The following FAM168A variants were observed in gnomAD, a reference collection of about 807,000 sequenced individuals.
FAM168A encodes the protein family with sequence similarity 168 member A.
In FAM168A, 3 loss-of-function variants were observed where a neutral mutation model predicts 28.5. That is an observed-to-expected ratio of 0.11 (90% CI 0.05 to 0.27). The LOEUF is 0.27. FAM168A is among the 10% of genes least tolerant of loss of function. The probability of loss-of-function intolerance (pLI) is 1.00; values close to 1 mark genes in which losing one functional copy is unlikely to be tolerated. For synonymous variants in FAM168A, 122 were observed against 124.2 expected, an observed-to-expected ratio of 0.98 and a Z score of 0.12; for missense variants, 222 against 311.5, an observed-to-expected ratio of 0.71 and a Z score of 2.16.
At chr11:73,538,990 A>T (rs1021831841) in intron 1 of FAM168A, among the ~76,000 whole-genome samples, 1 of 152,236 alleles carries the variant, frequency 6.6e-6, no homozygotes, top group African/African-American at 2.4e-5. Context: ...TAGATCCTCA[A>T]TATAAGAAGA....
At chr11:73,449,723 C>G (rs1867392430) in intron 2 of FAM168A, among the ~76,000 whole-genome samples, 1 of 152,236 alleles carries the variant, frequency 6.6e-6, no homozygotes, top group Non-Finnish European at 1.5e-5. Context: ...TTCAGGCCTC[C>G]TGCCATGCAG....
intron 2 of FAM168A, among the ~76,000 whole-genome samples, chr11:73,464,832 G>A (rs74979961): frequency 0.018 from 2,749 of 151,576 alleles, 65 homozygotes; most frequent in African/African-American, 0.056. Flanking sequence ...CTCAGCTGTC[G>A]TGTGAGGAAG....
chr11:73,486,271 T>C (rs192105704), intron 1 of FAM168A, among the ~76,000 whole-genome samples: 492 of 152,274 alleles, frequency 3.2e-3, no homozygotes, highest in Middle Eastern at 0.024. Flanking sequence ...CACATTCACA[T>C]TGTCATGCAA....
chr11:73,513,949 C>T (rs1237475869), intron 1 of FAM168A, among the ~76,000 whole-genome samples: 3 of 151,940 alleles, frequency 2.0e-5, no homozygotes, highest in Non-Finnish European at 2.9e-5. Flanking sequence ...TTAGGGAGGC[C>T]GAGGTGGGCA....
intron 5 of FAM168A, among the ~76,000 whole-genome samples, 153 bp from the exon 6 acceptor site, chr11:73,409,814 CT>C (rs1480894840): frequency 6.6e-6 from 1 of 152,212 alleles, no homozygotes. Flanking sequence ...CTGGGCTCAG[CT>C]TCTGGTCTGA....
rs981227030 is a variant in FAM168A at position 73,447,702 on chromosome 11, T to C, written c.71-16932A>G. 9.2e-5 allele frequency among the ~76,000 whole-genome samples: 14 copies of C among 152,030 alleles called. No homozygotes were observed. The East Asian group carries it at 2.1e-3, about 23-fold the overall frequency. On this transcript the variant is annotated intron_variant, in intron 2 of 7. Coordinates refer to ENST00000356467, the MANE Select transcript of FAM168A (RefSeq NM_015159.3). ...TGGGCTCTCACTGCCCAAACCTATT[T>C]TTTTTTTTCAGTCTTTCTCCCTTTC... is the stretch of plus-strand genomic sequence containing the variant.
chr11:73,477,601 A>C (rs1867906128), intron 1 of FAM168A, among the ~76,000 whole-genome samples: 1 of 152,132 alleles, frequency 6.6e-6, no homozygotes, highest in African/African-American at 2.4e-5. Flanking sequence ...AAGAGAAAAC[A>C]ACTTATCTGA....
Position 73,510,967 on chromosome 11 carries a change from A to G in FAM168A, c.-18-42475T>C, listed in dbSNP as rs146892738. On this transcript the variant is annotated intron_variant, in intron 1 of 7. Transcript: ENST00000356467. ...CATCTGTTGCTAGGAGGTCATGGCT[A>G]ATCACAGGAACACTTCTCATTCACA... is the stretch of plus-strand genomic sequence containing the variant. 7.6e-4 allele frequency: 172 copies of G among 224,966 alleles called. 1 individual carries two copies. The highest frequency in any genetic ancestry group is 3.7e-3 in the African/African-American group (163 of 43,868). The allele number at this position is 224,966 out of a possible 1,614,324, so 13.9% of individuals were successfully genotyped here.
intron 1 of FAM168A, among the ~76,000 whole-genome samples, chr11:73,472,106 C>T (rs1227612127): frequency 1.3e-5 from 2 of 152,142 alleles, no homozygotes; most frequent in African/African-American, 2.4e-5. Context: ...CCCCTCTCCC[C>T]GCCCCATCTC....
Position 73,524,747 on chromosome 11 carries a change from G to A in FAM168A, c.-18-56255C>T, listed in dbSNP as rs141054083. Among the ~76,000 whole-genome samples, 88 of 152,016 alleles carry A rather than the reference G, an allele frequency of 5.8e-4. 1 individual carries two copies. The East Asian group carries it at 0.014, about 24-fold the overall frequency. The stretch of plus-strand genomic sequence containing the variant: ...CAAGTAGCTCGGATTACAAGCATGC[G>A]CCACCATGCCTGCCTAATTTTTTGT... On this transcript the variant is annotated intron_variant, in intron 1 of 7. Transcript: ENST00000356467.
intron 2 of FAM168A, among the ~76,000 whole-genome samples, chr11:73,449,706 C>T (rs1405000835): frequency 5.3e-5 from 8 of 152,220 alleles, no homozygotes; most frequent in Non-Finnish European, 2.9e-5. Context: ...TATGGTACCA[C>T]GAAGATTTCA....
At chr11:73,565,848 G>A (rs1234099719) in intron 1 of FAM168A, among the ~76,000 whole-genome samples, 1 of 152,126 alleles carries the variant, frequency 6.6e-6, no homozygotes, top group Non-Finnish European at 1.5e-5. Flanking sequence ...GTTTCACCAG[G>A]CTCTTGCGGC....
intron 1 of FAM168A, among the ~76,000 whole-genome samples, chr11:73,509,022 G>A (rs188498122): frequency 6.6e-6 from 1 of 152,304 alleles, no homozygotes; most frequent in East Asian, 1.9e-4. Flanking sequence ...CTTCCGCCAT[G>A]ACTGTGAGGC....
At chr11:73,549,034 C>T (rs1468303514) in intron 1 of FAM168A, among the ~76,000 whole-genome samples, 6 of 152,256 alleles carry the variant, frequency 3.9e-5, no homozygotes, top group African/African-American at 1.2e-4. Flanking sequence ...CTCCACCCCC[C>T]GAGTTCAAGC....
At chr11:73,502,054 T>C (rs1855019210) in intron 1 of FAM168A, among the ~76,000 whole-genome samples, 2 of 149,898 alleles carry the variant, frequency 1.3e-5, no homozygotes, top group African/African-American at 4.9e-5. Context: ...TGAGCTGAGA[T>C]TGCACCACTG....
At chr11:73,569,878 T>G (rs1944066169) in intron 1 of FAM168A, among the ~76,000 whole-genome samples, 1 of 148,044 alleles carries the variant, frequency 6.8e-6, no homozygotes, top group Non-Finnish European at 1.5e-5. Context: ...GATGTGAAGC[T>G]CTAATCAACA....
intron 1 of FAM168A, among the ~76,000 whole-genome samples, chr11:73,529,796 C>CTTTTTTTTTTTTTTTTT (rs772530179): frequency 1.0e-4 from 13 of 127,530 alleles, no homozygotes; most frequent in African/African-American, 4.0e-4. Context: ...ACTTTTTCTT[C>CTTTTTTTTTTTTTTTTT]TTTTTTTTTT....
At chr11:73,554,933 C>A (rs567048931) in intron 1 of FAM168A, among the ~76,000 whole-genome samples, 1 of 152,142 alleles carries the variant, frequency 6.6e-6, no homozygotes, top group Non-Finnish European at 1.5e-5. Context: ...TCCTCAAGAT[C>A]ATGGAACCTG....
chr11:73,523,737 C>T (rs1437517729), intron 1 of FAM168A, among the ~76,000 whole-genome samples: 1 of 152,166 alleles, frequency 6.6e-6, no homozygotes, highest in African/African-American at 2.4e-5. Context: ...GTGTGAGCCA[C>T]CATGCCCAGC....
Sources: gnomAD v4.1 joint callset for allele counts (sites outside exome capture counted in the v4.1 genomes callset) on GRCh38, gnomAD v4.1.1 for gene constraint, MANE v1.5 for transcripts, NCBI Gene and HGNC (gene_info 2026-07-23, HGNC 2026-07-21) for gene names.